SLC14A2: variants seen among roughly 807,000 people sequenced by gnomAD.
The protein encoded by SLC14A2 is solute carrier family 14 member 2.
In SLC14A2, 91 loss-of-function variants were observed where a neutral mutation model predicts 104.6. The ratio of observed to expected loss-of-function variants is 0.87; its 90% confidence interval spans 0.73 to 1.04. SLC14A2 has a LOEUF of 1.04. SLC14A2 is among the 50% of genes least tolerant of loss of function. The probability of loss-of-function intolerance (pLI) is 0.00; values close to 1 mark genes in which losing one functional copy is unlikely to be tolerated. For missense variants in SLC14A2, 1,189 were observed against 1,156.0 expected (o/e 1.03, Z -0.41); for synonymous variants, 476 against 466.4 (o/e 1.02, Z -0.27).
chr18:45,502,055 A>C (rs1317868432), intron 2 of SLC14A2, among the ~76,000 whole-genome samples: 3 of 152,222 alleles, frequency 2.0e-5, no homozygotes, highest in Non-Finnish European at 4.4e-5. Context: ...TGGTCCCTAA[A>C]GGCAGGATTC....
chr18:45,422,690 C>T (rs1005305252), intron 1 of SLC14A2, among the ~76,000 whole-genome samples: 9 of 152,190 alleles, frequency 5.9e-5, no homozygotes, highest in East Asian at 1.9e-4. Flanking sequence ...GACTGAGCCA[C>T]GGCCAGAACC....
At chr18:45,454,022 G>A (rs1210901786) in intron 1 of SLC14A2, among the ~76,000 whole-genome samples, 1 of 151,942 alleles carries the variant, frequency 6.6e-6, no homozygotes, top group Non-Finnish European at 1.5e-5. Flanking sequence ...ACCAGGCCCA[G>A]CTAATTTTTG....
At chr18:45,289,632 A>G (rs2084849643) in intron 1 of SLC14A2, among the ~76,000 whole-genome samples, 1 of 152,180 alleles carries the variant, frequency 6.6e-6, no homozygotes, top group South Asian at 2.1e-4. Context: ...TCCCCAAATG[A>G]AAAACTCCTT....
At chr18:45,317,829 C>T (rs1430960552) in intron 1 of SLC14A2, among the ~76,000 whole-genome samples, 5 of 152,176 alleles carry the variant, frequency 3.3e-5, no homozygotes. Flanking sequence ...TGATGTTATC[C>T]ACAGCTTCAA....
In SLC14A2 at chr18:45,663,684, C is replaced by G. The variant is rs2045966447; in HGVS notation, c.1352-101C>G. 2.9e-6 allele frequency: 4 copies of G among 1,363,062 alleles called. No homozygotes were observed. In the African/African-American group the frequency reaches 4.3e-5, roughly 15 times the overall value. 84.4% of individuals were successfully genotyped at this position (1,363,062 alleles called of 1,614,324 possible). A position where few individuals can be genotyped will look rare whatever the true frequency, so the allele number is the denominator to read the frequency against. On this transcript the variant is annotated intron_variant, in intron 10 of 19. Transcript: ENST00000255226. Reference sequence around the variant, plus strand: ...CTCCAGCTTCAGGCTTCACTGCTCTCTCCTTTCCAGCATCTGTGTGATTTT... The same window carrying G: ...CTCCAGCTTCAGGCTTCACTGCTCTGTCCTTTCCAGCATCTGTGTGATTTT...
intron 19 of SLC14A2, among the ~76,000 whole-genome samples, 174 bp downstream of exon 19, chr18:45,679,198 A>C (rs2046276931): frequency 1.3e-5 from 2 of 152,182 alleles, no homozygotes; most frequent in South Asian, 2.1e-4. Flanking sequence ...CCAGGCCCCA[A>C]AAGTTTACAT....
chr18:45,302,450 T>A (rs1475539835), intron 1 of SLC14A2, among the ~76,000 whole-genome samples: 2 of 152,196 alleles, frequency 1.3e-5, no homozygotes, highest in African/African-American at 4.8e-5. Context: ...AATAACTTTG[T>A]CCAAATTCTC....
At chr18:45,580,743 A>G (rs2144359110) in intron 2 of SLC14A2, among the ~76,000 whole-genome samples, 1 of 152,328 alleles carries the variant, frequency 6.6e-6, no homozygotes, top group East Asian at 1.9e-4. Flanking sequence ...AACCTGCTCA[A>G]GGTCACAGAA....
At position 45,532,075 on chromosome 18, in the gene SLC14A2, G is replaced by C. The variant is rs189569908; in HGVS notation, c.-35+48753G>C. Among the ~76,000 whole-genome samples, 390 of 152,144 alleles carry C rather than the reference G, an allele frequency of 2.6e-3. 1 individual carries two copies. The highest frequency in any genetic ancestry group is 8.8e-3 in the African/African-American group (367 of 41,518). ...ATTGGTCTATATCTCTGTTTTGGTA[G>C]GAGTACCATGCTGTTTTTGTTACTG... On this transcript the variant is annotated intron_variant, in intron 2 of 20. Transcript: ENST00000586448.
intron 2 of SLC14A2, among the ~76,000 whole-genome samples, chr18:45,501,643 GTTAGCT>G (rs2043200975): frequency 6.6e-6 from 1 of 152,190 alleles, no homozygotes; most frequent in Admixed American, 6.5e-5. Context: ...CAAGGATAAA[GTTAGCT>G]TTAGAGTACC....
chr18:45,520,120 G>A (rs1435379766), intron 2 of SLC14A2, among the ~76,000 whole-genome samples: 1 of 152,196 alleles, frequency 6.6e-6, no homozygotes, highest in Admixed American at 6.5e-5. Context: ...TATGTCTTTA[G>A]AAAGTTAAAA....
At chr18:45,178,918 T>A in the SLC14A2 span, among the ~76,000 whole-genome samples, 2 of 152,192 alleles carry the variant, frequency 1.3e-5, no homozygotes, top group Non-Finnish European at 2.9e-5. Flanking sequence ...TGGAAGGTGT[T>A]AATCACTTTC....
At chr18:45,192,164 T>C in the SLC14A2 span, among the ~76,000 whole-genome samples, 1 of 152,234 alleles carries the variant, frequency 6.6e-6, no homozygotes, top group African/African-American at 2.4e-5. Flanking sequence ...AAATTTACTC[T>C]CTCTAGCACA....
At chr18:45,467,497 T>A (rs1170805902) in intron 1 of SLC14A2, among the ~76,000 whole-genome samples, 1 of 152,186 alleles carries the variant, frequency 6.6e-6, no homozygotes, top group Non-Finnish European at 1.5e-5. Context: ...CTCTGACTGG[T>A]CTGGCTTGGG....
intron 6 of SLC14A2, 98 bp downstream of exon 6, chr18:45,637,280 G>T: frequency 6.3e-6 from 6 of 950,044 alleles, no homozygotes; most frequent in African/African-American, 4.9e-5. Context: ...AACTTCTCTA[G>T]AAACATCTAT....
chr18:45,371,316 C>T (rs1051022531), intron 1 of SLC14A2, among the ~76,000 whole-genome samples: 1 of 152,124 alleles, frequency 6.6e-6, no homozygotes, highest in Non-Finnish European at 1.5e-5. Context: ...TCCACTTTCC[C>T]CACGCAGTGT....
intron 1 of SLC14A2, among the ~76,000 whole-genome samples, chr18:45,386,159 C>G (rs1598742877): frequency 1.3e-5 from 2 of 152,124 alleles, no homozygotes; most frequent in African/African-American, 4.8e-5. Flanking sequence ...GTGAGTTATT[C>G]TGGGGTAAGT....
At chr18:45,675,712 T>A (rs398041138) in intron 18 of SLC14A2, among the ~76,000 whole-genome samples, 5,005 of 50,760 alleles carry the variant, frequency 0.099, 118 homozygotes, top group African/African-American at 0.14. Context: ...TATATATATT[T>A]TTTTTTTTTT....
intron 2 of SLC14A2, among the ~76,000 whole-genome samples, chr18:45,545,097 A>G (rs1423730389): frequency 6.6e-6 from 1 of 152,160 alleles, no homozygotes; most frequent in East Asian, 1.9e-4. Context: ...CCTGGCCAAT[A>G]ATGTCATTTT....
Sources: gnomAD v4.1 joint callset for allele counts (sites outside exome capture counted in the v4.1 genomes callset) on GRCh38, gnomAD v4.1.1 for gene constraint, MANE v1.5 for transcripts, NCBI Gene and HGNC (gene_info 2026-07-23, HGNC 2026-07-21) for gene names.